Variants in NEGR1 observed in about 807,000 individuals in gnomAD.
NEGR1 encodes neuronal growth regulator 1.
Under a neutral mutation model 40.9 loss-of-function variants are expected in NEGR1, and 10 were observed. The ratio of observed to expected loss-of-function variants is 0.24; its 90% CI spans 0.15 to 0.42. The LOEUF (loss-of-function observed/expected upper bound fraction) is 0.42. Ranked by LOEUF, NEGR1 falls within the 10% of genes least tolerant of loss-of-function variation. The pLI is 1.00. For missense variants in NEGR1, 352 were observed against 438.9 expected (o/e 0.80, Z 1.77); for synonymous variants, 185 against 166.8 (o/e 1.11, Z -0.84).
intron 3 of NEGR1, among the ~76,000 whole-genome samples, chr1:71,760,093 G>A (rs1486755919): frequency 1.3e-5 from 2 of 151,992 alleles, no homozygotes; most frequent in African/African-American, 2.4e-5. Context: ...GTGCACCAAG[G>A]GGAAACAACG....
chr1:72,139,545 A>G (rs1025705401), intron 1 of NEGR1, among the ~76,000 whole-genome samples: 2 of 152,100 alleles, frequency 1.3e-5, no homozygotes, highest in South Asian at 2.1e-4. Flanking sequence ...TGATGAAATG[A>G]ATTAACTCTT....
intron 2 of NEGR1, among the ~76,000 whole-genome samples, chr1:71,845,461 G>A (rs1279623919): frequency 1.3e-5 from 2 of 152,064 alleles, no homozygotes; most frequent in African/African-American, 4.8e-5. Context: ...GTTCTCAGGG[G>A]AAATCAGGCT....
At chr1:71,467,606 T>C (rs867747622) in intron 6 of NEGR1, among the ~76,000 whole-genome samples, 1 of 152,204 alleles carries the variant, frequency 6.6e-6, no homozygotes. Context: ...AGAGGTTGTA[T>C]GTCTTTCAGA....
At chr1:71,780,506 T>C (rs986368550) in intron 2 of NEGR1, among the ~76,000 whole-genome samples, 2 of 152,228 alleles carry the variant, frequency 1.3e-5, no homozygotes, top group African/African-American at 4.8e-5. Context: ...TAATTAATTG[T>C]TGTGTATTAC....
At chr1:72,118,600 T>G (rs936227029) in intron 1 of NEGR1, among the ~76,000 whole-genome samples, 1 of 151,748 alleles carries the variant, frequency 6.6e-6, no homozygotes, top group Non-Finnish European at 1.5e-5. Flanking sequence ...TGTACATTGG[T>G]CATTCTGCAA....
chr1:72,015,343 C>A (rs1006071258), intron 1 of NEGR1, among the ~76,000 whole-genome samples: 1 of 151,414 alleles, frequency 6.6e-6, no homozygotes, highest in Non-Finnish European at 1.5e-5. Context: ...AAAAAAAAAA[C>A]AGATGTATAC....
intron 1 of NEGR1, among the ~76,000 whole-genome samples, chr1:72,159,628 G>A (rs1470828147): frequency 6.6e-6 from 1 of 152,110 alleles, no homozygotes; most frequent in Non-Finnish European, 1.5e-5. Flanking sequence ...ATAGAAGAAT[G>A]CAAAGCTTTG....
chr1:71,805,762 C>T (rs553185301), intron 2 of NEGR1, among the ~76,000 whole-genome samples: 1 of 152,116 alleles, frequency 6.6e-6, no homozygotes, highest in Non-Finnish European at 1.5e-5. Context: ...AATGCATGTG[C>T]ACCTGGTTTA....
chr1:72,226,733 T>C (rs543871525), intron 1 of NEGR1, among the ~76,000 whole-genome samples: 97 of 152,198 alleles, frequency 6.4e-4, no homozygotes, highest in Non-Finnish European at 1.2e-3. Flanking sequence ...TAATGCTTTT[T>C]TGAAACTCAG....
intron 4 of NEGR1, among the ~76,000 whole-genome samples, chr1:71,652,659 C>T (rs910767597): frequency 2.0e-5 from 3 of 151,870 alleles, no homozygotes; most frequent in South Asian, 2.1e-4. Context: ...TGAGCCCAGG[C>T]GTTCGAGACC....
intron 1 of NEGR1, among the ~76,000 whole-genome samples, chr1:72,078,620 C>CATATAT (rs3080207): frequency 1.5e-4 from 21 of 135,850 alleles, no homozygotes; most frequent in Middle Eastern, 3.7e-3. Flanking sequence ...CATATACACT[C>CATATAT]ATATATATAT....
intron 2 of NEGR1, among the ~76,000 whole-genome samples, chr1:71,862,435 A>G (rs951091227): frequency 7.9e-5 from 12 of 152,028 alleles, no homozygotes; most frequent in Non-Finnish European, 1.8e-4. Context: ...TTCCCTAGAC[A>G]TCTCTTACCC....
chr1:71,491,299 G>A (rs1646926084), intron 6 of NEGR1, among the ~76,000 whole-genome samples: 1 of 151,988 alleles, frequency 6.6e-6, no homozygotes, highest in Non-Finnish European at 1.5e-5. Context: ...TTTACATCAG[G>A]GACTTGAGCA....
At chr1:71,822,436 C>T (rs1354486567) in intron 2 of NEGR1, among the ~76,000 whole-genome samples, 1 of 151,972 alleles carries the variant, frequency 6.6e-6, no homozygotes, top group Admixed American at 6.6e-5. Context: ...AGTGCTGGAA[C>T]AATCAGCACA....
At chr1:72,126,330 T>C (rs1650023663) in intron 1 of NEGR1, among the ~76,000 whole-genome samples, 1 of 152,204 alleles carries the variant, frequency 6.6e-6, no homozygotes, top group Non-Finnish European at 1.5e-5. Flanking sequence ...TTGTAATAAC[T>C]TTCTTAAAAA....
intron 1 of NEGR1, among the ~76,000 whole-genome samples, chr1:72,196,990 G>A (rs1303880894): frequency 6.6e-6 from 1 of 151,778 alleles, no homozygotes; most frequent in African/African-American, 2.4e-5. Flanking sequence ...AACTAATCAG[G>A]TTGTCCAAAA....
At chr1:71,685,692 T>TC (rs1277473110) in intron 4 of NEGR1, among the ~76,000 whole-genome samples, 8 of 152,104 alleles carry the variant, frequency 5.3e-5, no homozygotes, top group African/African-American at 1.9e-4. Flanking sequence ...GTACTCCACT[T>TC]CCCCCTTCCT....
chr1:71,825,511 T>C (rs929479353), intron 2 of NEGR1, among the ~76,000 whole-genome samples: 4 of 151,930 alleles, frequency 2.6e-5, no homozygotes, highest in Non-Finnish European at 5.9e-5. Flanking sequence ...TCAATACTAC[T>C]AGTATGTTTA....
At chr1:71,521,237 G>C (rs1205683174) in intron 6 of NEGR1, among the ~76,000 whole-genome samples, 1 of 151,962 alleles carries the variant, frequency 6.6e-6, no homozygotes, top group Admixed American at 6.6e-5. Context: ...ATTTAACTAA[G>C]CTTATAAGGA....
Sources: allele counts gnomAD v4.1 joint callset (sites outside exome capture counted in the v4.1 genomes callset), GRCh38; gene constraint gnomAD v4.1.1; transcripts MANE v1.5; gene names NCBI Gene and HGNC (gene_info 2026-07-23, HGNC 2026-07-21).